FER1L6: variants seen among roughly 807,000 people sequenced by gnomAD.
FER1L6 encodes fer-1 like family member 6.
In FER1L6, 177 loss-of-function variants were observed where a neutral mutation model predicts 219.2. The observed-to-expected ratio is 0.81, with a 90% CI of 0.71 to 0.91. The LOEUF is 0.91. Ranked by LOEUF, FER1L6 falls within the 40% of genes least tolerant of loss-of-function variation. FER1L6 has a pLI of 0.00. For synonymous variants in FER1L6, 768 were observed against 824.3 expected (o/e 0.93, Z 1.17); for missense variants, 2,153 against 2,259.9 (o/e 0.95, Z 0.96).
At chr8:124,082,895 G>A (rs912107580) in intron 33 of FER1L6, among the ~76,000 whole-genome samples, 4 of 152,046 alleles carry the variant, frequency 2.6e-5, no homozygotes, top group Non-Finnish European at 5.9e-5. Context: ...CCTTTGAGGC[G>A]TTATCCGCAT....
Position 124,070,583 on chromosome 8 carries a change from C to A in FER1L6, c.3951C>A (p.Val1317=). The change falls in exon 30 of 41, where the codon GTC becomes GTA. Residue 1317 remains valine, a synonymous_variant. Coordinates refer to ENST00000522917, the MANE Select transcript of FER1L6 (RefSeq NM_001039112.2). ...ACCATGGTCTTGATGGAGACCGAGT[C>A]ATAGGAAAATTTAAGGCAGGTTCCA... The part of the protein sequence containing the change: ...EDDHGLDGDR[V]IGKFKGSFCI... The A allele has an allele frequency of 6.3e-7, 1 of 1,587,114 alleles. No individual in the cohort carries two copies. The highest frequency in any genetic ancestry group is 1.2e-5 in the South Asian group (1 of 85,982).
intron 12 of FER1L6, among the ~76,000 whole-genome samples, chr8:124,001,125 G>A (rs1817391649): frequency 6.6e-6 from 1 of 152,238 alleles, no homozygotes. Context: ...CCCATAGGCA[G>A]TAAATTCCCT....
chr8:123,937,180 T>G (rs781324021), intron 1 of FER1L6, among the ~76,000 whole-genome samples: 8 of 152,246 alleles, frequency 5.3e-5, no homozygotes, highest in Non-Finnish European at 1.0e-4. Flanking sequence ...GTGCTGGGAT[T>G]ACAGGCGTGA....
At chr8:123,924,233 CAAAAAAAAAAA>C (rs71289625) in intron 1 of FER1L6, among the ~76,000 whole-genome samples, 25 of 66,964 alleles carry the variant, frequency 3.7e-4, no homozygotes, top group African/African-American at 1.0e-3. Flanking sequence ...GACTCAGTAT[CAAAAAAAAAAA>C]AAAAAAAAAA....
At chr8:124,044,324 C>T (rs1204466127) in intron 20 of FER1L6, among the ~76,000 whole-genome samples, 1 of 152,116 alleles carries the variant, frequency 6.6e-6, no homozygotes, top group Non-Finnish European at 1.5e-5. Context: ...TTCTCTGAAA[C>T]GTTTAAAATC....
intron 1 of FER1L6, among the ~76,000 whole-genome samples, chr8:123,867,121 G>C (rs995274987): frequency 1.3e-5 from 2 of 152,142 alleles, no homozygotes; most frequent in Admixed American, 1.3e-4. Flanking sequence ...TTGGGGTCCT[G>C]TCTGAGAAAG....
chr8:124,071,411 C>T lies in FER1L6; in HGVS notation c.3967-95C>T. On this transcript the variant is annotated intron_variant, in intron 30 of 40. Coordinates refer to ENST00000522917, the MANE Select transcript of FER1L6 (RefSeq NM_001039112.2). ...CACCAAACCAGGTCCTGCAAATTCC[C>T]AAGCTGTGCCCATTTTCCCAGCACA... The T allele has an allele frequency of 2.0e-6, 3 of 1,522,998 alleles. No homozygotes were observed. In the South Asian group the frequency reaches 3.6e-5, roughly 18 times the overall value. 94.3% of individuals were successfully genotyped at this position (1,522,998 alleles called of 1,614,324 possible).
At chr8:123,913,455 C>G (rs984858313) in intron 1 of FER1L6, among the ~76,000 whole-genome samples, 1 of 152,058 alleles carries the variant, frequency 6.6e-6, no homozygotes, top group Non-Finnish European at 1.5e-5. Flanking sequence ...TACAGATTTC[C>G]AGCTGTGTTT....
intron 25 of FER1L6, 120 bp downstream of exon 25, chr8:124,062,152 C>A: frequency 1.9e-6 from 2 of 1,045,466 alleles, no homozygotes; most frequent in Non-Finnish European, 2.8e-6. Context: ...GTGGATCTTT[C>A]TGATGAGCTT....
chr8:123,975,007 G>T, intron 7 of FER1L6, 143 bp from the exon 8 acceptor site: 1 of 631,702 alleles, frequency 1.6e-6, no homozygotes. Context: ...GAAGCAGCAT[G>T]AGGTTTGGAA....
Position 123,973,487 on chromosome 8 carries a change from C to G in FER1L6, c.501C>G (p.Asp167Glu). The G allele has an allele frequency of 6.2e-7, 1 of 1,614,006 alleles. No individual in the cohort carries two copies. The highest frequency in any genetic ancestry group is 8.5e-7 in the Non-Finnish European group (1 of 1,179,886). Residue 167 changes from aspartate to glutamate, a missense_variant, in exon 7 of 41, where the codon GAC becomes GAG. By Grantham distance (45) the Asp-to-Glu change is conservative. Transcript: ENST00000522917. ...TACTGATTGGCTCTTTCAAAGTAGA[C>G]CTGGGGACCGTGTACAACCAACCTG... ...GSVLIGSFKV[D>E]LGTVYNQPGH... is the part of the protein sequence containing the mutation.
intron 1 of FER1L6, among the ~76,000 whole-genome samples, chr8:123,900,815 C>A (rs183346419): frequency 6.6e-6 from 1 of 152,180 alleles, no homozygotes; most frequent in East Asian, 1.9e-4. Flanking sequence ...TATTGACTTG[C>A]GTATGTTAAA....
chr8:124,084,078 T>C (rs1250426842), intron 33 of FER1L6, among the ~76,000 whole-genome samples: 1 of 152,154 alleles, frequency 6.6e-6, no homozygotes, highest in Non-Finnish European at 1.5e-5. Context: ...ACTGTTGGCA[T>C]ACAGAAATGC....
intron 1 of FER1L6, among the ~76,000 whole-genome samples, chr8:123,930,318 T>G (rs1813721349): frequency 6.6e-6 from 1 of 151,786 alleles, no homozygotes; most frequent in African/African-American, 2.4e-5. Context: ...TATCTCTATT[T>G]TTTATAACCA....
chr8:123,956,775 G>T (rs1389292577), intron 2 of FER1L6, among the ~76,000 whole-genome samples: 2 of 152,190 alleles, frequency 1.3e-5, no homozygotes, highest in Non-Finnish European at 2.9e-5. Context: ...AAGCCGGCTG[G>T]CCCCGAGCAT....
At chr8:123,870,526 T>A (rs1454010133) in intron 1 of FER1L6, among the ~76,000 whole-genome samples, 1 of 152,188 alleles carries the variant, frequency 6.6e-6, no homozygotes, top group Non-Finnish European at 1.5e-5. Flanking sequence ...ACATCTTCAA[T>A]GCATATTGCC....
chr8:124,048,250 C>T (rs1819824027), intron 21 of FER1L6, among the ~76,000 whole-genome samples: 1 of 152,232 alleles, frequency 6.6e-6, no homozygotes, highest in Non-Finnish European at 1.5e-5. Context: ...ACTGCTAAAA[C>T]CCAGCCTCAG....
At chr8:124,113,688 T>C (rs1053784473) in intron 39 of FER1L6, among the ~76,000 whole-genome samples, 2 of 152,218 alleles carry the variant, frequency 1.3e-5, no homozygotes, top group African/African-American at 4.8e-5. Flanking sequence ...TTTCCCCTCA[T>C]GTTGACTATT....
At chr8:124,042,983 G>A (rs1819572414) in intron 20 of FER1L6, among the ~76,000 whole-genome samples, 1 of 152,172 alleles carries the variant, frequency 6.6e-6, no homozygotes, top group African/African-American at 2.4e-5. Context: ...CTAAGAGGGA[G>A]CATTAGAGGA....
Sources: allele counts gnomAD v4.1 joint callset (sites outside exome capture counted in the v4.1 genomes callset), GRCh38; gene constraint gnomAD v4.1.1; transcripts MANE v1.5; gene names NCBI Gene and HGNC (gene_info 2026-07-23, HGNC 2026-07-21).